Variants in SKIDA1 observed in about 807,000 individuals in gnomAD.
The protein encoded by SKIDA1 is SKI/DACH domain-containing protein 1.
Under a neutral mutation model 51.4 loss-of-function variants are expected in SKIDA1, and 18 were observed. That is an observed-to-expected ratio of 0.35 (90% CI 0.24 to 0.52). The LOEUF (loss-of-function observed/expected upper bound fraction) is 0.52, where lower values mean the gene tolerates loss of function less well. Among genes scored for constraint, SKIDA1 ranks in the 20% least tolerant of loss-of-function variants. The probability of loss-of-function intolerance (pLI) is 0.95; values close to 1 mark genes in which losing one functional copy is unlikely to be tolerated. For missense variants in SKIDA1, 1,104 were observed against 1,180.6 expected, an observed-to-expected ratio of 0.94 and a Z score of 0.95; for synonymous variants, 579 against 500.5, an observed-to-expected ratio of 1.16 and a Z score of -2.09.
In SKIDA1 at chr10:21,514,603, C is replaced by T. The variant is rs2032136622; in HGVS notation, c.*493G>A. 6.6e-6 allele frequency: 1 copy of T among 152,644 alleles called. No homozygotes were observed. The highest frequency in any genetic ancestry group is 2.4e-5 in the African/African-American group (1 of 41,362). 9.5% of individuals were successfully genotyped at this position (152,644 alleles called of 1,614,324 possible). A position where few individuals can be genotyped will look rare whatever the true frequency, so the allele number is the denominator to read the frequency against. On this transcript the variant is annotated 3_prime_UTR_variant, in exon 4 of 4. Transcript: ENST00000449193. ...GCTCCAGAAAATAACATTTTGGGCTCACAGAAACTTCTTGCTACCTCACCT... is the reference window on the plus strand; with the variant it reads ...GCTCCAGAAAATAACATTTTGGGCTTACAGAAACTTCTTGCTACCTCACCT...
intron 3 of SKIDA1, among the ~76,000 whole-genome samples, chr10:21,519,935 AAG>A (rs909708478): frequency 3.3e-5 from 5 of 150,694 alleles, no homozygotes; most frequent in African/African-American, 7.3e-5. Flanking sequence ...AAGTCTATTT[AAG>A]AGAGTCTGTA....
In SKIDA1 at chr10:21,513,718, G is replaced by A. The variant is rs546594577; in HGVS notation, c.*1378C>T. 1 of 152,654 alleles carries A rather than the reference G, an allele frequency of 6.6e-6. No individual in the cohort carries two copies. Among genetic ancestry groups the A allele is most frequent in the African/African-American group, 2.4e-5 (1 of 41,534 alleles). The allele number at this position is 152,654 out of a possible 1,614,324, so 9.5% of individuals were successfully genotyped here. ...TCCTGCTCTATACACAGGATGGTCT[G>A]AAAACACAAGTTTTAGAGAGATGCA... On this transcript the variant is annotated 3_prime_UTR_variant, in exon 4 of 4. Transcript: ENST00000449193.
At position 21,516,878 on chromosome 10, in the gene SKIDA1, C is replaced by T. The variant is rs183835202; in HGVS notation, c.945G>A (p.Ala315=). The part of the protein sequence containing the change: ...AAAAAAAAAA[A]AAAGATCLER... ...CCAGGCAAGTGGCCCCCGCGGCGGC[C>T]GCCGCCGCCGCTGCCGCCGCCGCCG... Residue 315 remains alanine, a synonymous_variant, in exon 4 of 4, where the codon GCG becomes GCA. Transcript: ENST00000449193. This position sits in a 1 kb window ranked among gnomAD's most constrained non-coding sequence, Gnocchi z 5.7. The T allele has an allele frequency of 1.4e-5, 16 of 1,151,830 alleles. No homozygotes were observed. The highest frequency in any genetic ancestry group is 3.5e-5 in the South Asian group (1 of 28,324). 71.4% of individuals were successfully genotyped at this position (1,151,830 alleles called of 1,614,324 possible). A position where few individuals can be genotyped will look rare whatever the true frequency, so the allele number is the denominator to read the frequency against.
chr10:21,523,338 C>T (rs2032485628), intron 2 of SKIDA1, among the ~76,000 whole-genome samples: 1 of 152,148 alleles, frequency 6.6e-6, no homozygotes, highest in Admixed American at 6.5e-5. Flanking sequence ...TAAAACAATG[C>T]CTGCTTATGT....
At chr10:21,522,680 C>T (rs1243284433) in intron 2 of SKIDA1, among the ~76,000 whole-genome samples, 1 of 151,772 alleles carries the variant, frequency 6.6e-6, no homozygotes, top group Non-Finnish European at 1.5e-5. Context: ...TTTTTTCTTT[C>T]TGGTTCATTT....
chr10:21,515,893 A>C lies in SKIDA1; in HGVS notation c.1930T>G (p.Phe644Val). ...TGCGAAGAGGGCAAATCCGTAGCAA[A>C]TTCAGGACAATGAAGGATTTTGGAA... Reference protein sequence around the residue: ...KYSKILHCPEFATDLPSSQTD... With the variant: ...KYSKILHCPEVATDLPSSQTD... The change falls in exon 4 of 4, where the codon TTT becomes GTT. Residue 644 changes from phenylalanine (F) to valine (V), a missense_variant. Phe to Val is a conservative substitution (Grantham distance 50). Coordinates refer to ENST00000449193, the MANE Select transcript of SKIDA1 (RefSeq NM_207371.4). 1 of 1,614,022 alleles carries C rather than the reference A, an allele frequency of 6.2e-7. No individual in the cohort carries two copies. The highest frequency in any genetic ancestry group is 8.5e-7 in the Non-Finnish European group (1 of 1,179,882).
chr10:21,517,135 C>CA lies in SKIDA1; in HGVS notation c.687_688insT (p.Ala230CysfsTer209). The CA allele has an allele frequency of 8.2e-7, 1 of 1,222,668 alleles. No homozygotes were observed. The highest frequency in any genetic ancestry group is 1.0e-6 in the Non-Finnish European group (1 of 973,560). The allele number at this position is 1,222,668 out of a possible 1,614,324, so 75.7% of individuals were successfully genotyped here. ...GCGGCGGCGGCAGCAGCGGCGGCGG[C>CA]GGCGGCGGCGGCGGCTGCCGGGTGT... On this transcript the variant is annotated frameshift_variant, in exon 4 of 4. Coordinates refer to ENST00000449193, the MANE Select transcript of SKIDA1 (RefSeq NM_207371.4). LOFTEE classifies it high-confidence loss of function. This position sits in a 1 kb window ranked among gnomAD's most constrained non-coding sequence, Gnocchi z 6.9.
intron 1 of SKIDA1, among the ~76,000 whole-genome samples, chr10:21,524,225 G>C (rs2032545010): frequency 6.6e-6 from 1 of 151,976 alleles, no homozygotes; most frequent in Non-Finnish European, 1.5e-5. Flanking sequence ...TCCTTTCTCA[G>C]TTGGGGTAGT....
intron 3 of SKIDA1, among the ~76,000 whole-genome samples, chr10:21,520,909 A>G (rs760723746): frequency 6.6e-6 from 1 of 152,166 alleles, no homozygotes; most frequent in Non-Finnish European, 1.5e-5. Context: ...CTCTATATGT[A>G]CACTCAGACA....
At chr10:21,523,146 A>G (rs2032470803) in intron 2 of SKIDA1, among the ~76,000 whole-genome samples, 1 of 149,954 alleles carries the variant, frequency 6.7e-6, no homozygotes, top group Non-Finnish European at 1.5e-5. Context: ...CTAGGCCACA[A>G]TCTTCCTGCT....
Position 21,516,449 on chromosome 10 carries a change from T to C in SKIDA1, c.1374A>G (p.Gln458=), listed in dbSNP as rs1223259837. 5 of 1,612,686 alleles carry C rather than the reference T, an allele frequency of 3.1e-6. No homozygotes were observed. Among genetic ancestry groups the C allele is most frequent in the Non-Finnish European group, 4.2e-6 (5 of 1,179,780 alleles). ...TGAATCGGATGCTCTGCACTGACAC[T>C]TGGCTGGAGCCGGAGCTGGAGTCCG... The part of the protein sequence containing the change: ...TESDSSSGSS[Q]VSVQSIRFRR... The change falls in exon 4 of 4, where the codon CAA becomes CAG. Residue 458 remains glutamine (Q), a synonymous_variant. Coordinates refer to ENST00000449193, the MANE Select transcript of SKIDA1 (RefSeq NM_207371.4). This position sits in a 1 kb window ranked among gnomAD's most constrained non-coding sequence, Gnocchi z 5.7.
In SKIDA1 at chr10:21,516,236, T is replaced by A; in HGVS notation, c.1587A>T (p.Ala529=). The change falls in exon 4 of 4, where the codon GCA becomes GCT. Residue 529 remains alanine, a synonymous_variant. Transcript: ENST00000449193. This position sits in a 1 kb window ranked among gnomAD's most constrained non-coding sequence, Gnocchi z 5.7. ...GGCTGGCCGGGCAGTACACCGGAGA[T>A]GCTTTGGGGGCCCAGCTCTGCAGAT... ...EWNLQSWAPK[A]SPVYCPASLG... 6.2e-7 allele frequency: 1 copy of A among 1,614,050 alleles called. No homozygotes were observed. Among genetic ancestry groups the A allele is most frequent in the Non-Finnish European group, 8.5e-7 (1 of 1,179,908 alleles).
At position 21,516,485 on chromosome 10, in the gene SKIDA1, C is replaced by T. The variant is rs2032207381; in HGVS notation, c.1338G>A (p.Ser446=). The change falls in exon 4 of 4, where the codon TCG becomes TCA. Residue 446 remains serine, a synonymous_variant. Coordinates refer to ENST00000449193, the MANE Select transcript of SKIDA1 (RefSeq NM_207371.4). The surrounding 1 kb of genome is among the most constrained non-coding windows in gnomAD (Gnocchi z 5.7). ...CGGAGCTGGAGTCCGACTCGGTGGACGAGTCCTCCTCCTCCGAGCTGACTT... is the reference window on the plus strand; with the variant it reads ...CGGAGCTGGAGTCCGACTCGGTGGATGAGTCCTCCTCCTCCGAGCTGACTT... The part of the protein sequence containing the change: ...SSEVSSEEED[S]STESDSSSGS... The T allele has an allele frequency of 1.9e-6, 3 of 1,607,938 alleles. No homozygotes were observed. The African/African-American group carries it at 4.0e-5, about 21-fold the overall frequency.
rs1188093492 is a variant in SKIDA1 at position 21,517,390 on chromosome 10, C to T, written c.433G>A (p.Ala145Thr). Reference protein sequence around the residue: ...KHQLWRGLSGAARPLPISAQS... With the variant: ...KHQLWRGLSGTARPLPISAQS... ...GCGCTGATTGGCAGGGGCCGCGCGG[C>T]TCCGCTCAGGCCCCGCCAAAGTTGG... The change falls in exon 4 of 4, where the codon GCC becomes ACC. Residue 145 changes from alanine (A) to threonine (T), a missense_variant. By Grantham distance (58) the Ala-to-Thr change is moderately conservative. Around this residue, in one of 3 missense-constraint regions of SKIDA1, gnomAD observed 938 missense variants for 886.4 expected, o/e 1.06. Transcript: ENST00000449193. This position sits in a 1 kb window ranked among gnomAD's most constrained non-coding sequence, Gnocchi z 6.9. 14 of 1,428,756 alleles carry T rather than the reference C, an allele frequency of 9.8e-6. No homozygotes were observed. The East Asian group carries it at 1.4e-4, about 14-fold the overall frequency. The allele number at this position is 1,428,756 out of a possible 1,614,324, so 88.5% of individuals were successfully genotyped here. A position where few individuals can be genotyped will look rare whatever the true frequency, so the allele number is the denominator to read the frequency against.
At chr10:21,519,828 G>A (rs1285094786) in intron 3 of SKIDA1, among the ~76,000 whole-genome samples, 170 bp from the exon 4 acceptor site, 2 of 151,940 alleles carry the variant, frequency 1.3e-5, no homozygotes, top group Non-Finnish European at 2.9e-5. Context: ...ATGAAATCTC[G>A]GCCATAATTC....
intron 2 of SKIDA1, among the ~76,000 whole-genome samples, 196 bp from the exon 3 acceptor site, chr10:21,521,676 T>C (rs1486474152): frequency 1.3e-5 from 2 of 152,224 alleles, no homozygotes; most frequent in Non-Finnish European, 2.9e-5. Flanking sequence ...ATGATATGCA[T>C]TGAGTTTAAT....
chr10:21,525,258 AG>A (rs1306674684), intron 1 of SKIDA1, among the ~76,000 whole-genome samples: 2 of 152,234 alleles, frequency 1.3e-5, no homozygotes, highest in African/African-American at 4.8e-5. Context: ...AGGGGATTCA[AG>A]TATCACGTTA....
Position 21,515,746 on chromosome 10 carries a change from T to C in SKIDA1, c.2077A>G (p.Ser693Gly), listed in dbSNP as rs1204721027. 1 of 1,614,090 alleles carries C rather than the reference T, an allele frequency of 6.2e-7. No homozygotes were observed. Among genetic ancestry groups the C allele is most frequent in the East Asian group, 2.2e-5 (1 of 44,894 alleles). Residue 693 changes from serine (S) to glycine (G), a missense_variant, in exon 4 of 4, where the codon AGT becomes GGT. Ser to Gly is a moderately conservative substitution (Grantham distance 56). Around this residue, in one of 3 missense-constraint regions of SKIDA1, gnomAD observed 938 missense variants for 886.4 expected, o/e 1.06. Coordinates refer to ENST00000449193, the MANE Select transcript of SKIDA1 (RefSeq NM_207371.4). Reference protein sequence around the residue: ...HNIKIKVEDSSANEEYEPHLF... With the variant: ...HNIKIKVEDSGANEEYEPHLF... ...TGAGGTTCATATTCTTCATTAGCAC[T>C]ACTGTCTTCTACTTTGATTTTAATA...
At chr10:21,522,480 T>C (rs1216422935) in intron 2 of SKIDA1, among the ~76,000 whole-genome samples, 1 of 152,158 alleles carries the variant, frequency 6.6e-6, no homozygotes, top group Non-Finnish European at 1.5e-5. Flanking sequence ...GATAAAAGTT[T>C]AAAATAATAA....
Sources: allele counts gnomAD v4.1 joint callset (sites outside exome capture counted in the v4.1 genomes callset), GRCh38; gene constraint gnomAD v4.1.1; regional missense constraint gnomAD v4.1.1; non-coding constraint Gnocchi (gnomAD v3.1); transcripts MANE v1.5; gene names NCBI Gene and HGNC (gene_info 2026-07-23, HGNC 2026-07-21).